The following GSE1 variants were observed in gnomAD, a reference collection of about 807,000 sequenced individuals.
The protein encoded by GSE1 is genetic suppressor element 1.
In GSE1, 32 loss-of-function variants were observed where a neutral mutation model predicts 112.6. The observed-to-expected ratio is 0.28, with a 90% CI of 0.21 to 0.38. The LOEUF is 0.38. Ranked by LOEUF, GSE1 falls within the 10% of genes least tolerant of loss-of-function variation. GSE1 has a pLI of 1.00. For synonymous variants in GSE1, 1,115 were observed against 735.6 expected (o/e 1.52, Z -8.35); for missense variants, 2,348 against 1,699.2 (o/e 1.38, Z -6.71).
At chr16:85,613,210 G>A, upstream of GSE1, 1 of 1,475,044 alleles carries the variant, frequency 6.8e-7, no homozygotes, top group Non-Finnish European at 9.0e-7. Flanking sequence ...GTTGCGTTTG[G>A]GTGTGTCCTC....
chr16:85,617,619 G>C (rs968393286), intron 1 of GSE1, among the ~76,000 whole-genome samples: 1 of 71,816 alleles, frequency 1.4e-5, no homozygotes, highest in African/African-American at 5.0e-5. Flanking sequence ...CCCGTTAACT[G>C]CCACGTGCAG....
chr16:85,309,232 G>A (rs1267666804), intron 1 of GSE1, among the ~76,000 whole-genome samples: 1 of 152,130 alleles, frequency 6.6e-6, no homozygotes, highest in East Asian at 1.9e-4. Flanking sequence ...AGGTGCCATG[G>A]CTCACACCTG....
At chr16:85,665,170 C>G (rs939101925) in intron 12 of GSE1, 42 bp downstream of exon 12, 1 of 1,214,938 alleles carries the variant, frequency 8.2e-7, no homozygotes, top group Non-Finnish European at 1.2e-6. Flanking sequence ...CCAGGACCAT[C>G]CCATGGGCTG....
chr16:85,496,296 G>A (rs1159151724), intron 2 of GSE1, among the ~76,000 whole-genome samples: 1 of 152,234 alleles, frequency 6.6e-6, no homozygotes, highest in Non-Finnish European at 1.5e-5. Context: ...TCGCGGGCCC[G>A]ACCGGGATGG....
At chr16:85,282,988 G>C (rs1290277210) in intron 1 of GSE1, 2 of 152,394 alleles carry the variant, frequency 1.3e-5, no homozygotes, top group Non-Finnish European at 2.9e-5. Context: ...GGAGTCACCT[G>C]CAGGCTGGCC....
At chr16:85,584,430 C>T (rs577770637) in intron 1 of GSE1, among the ~76,000 whole-genome samples, 3 of 152,298 alleles carry the variant, frequency 2.0e-5, no homozygotes, top group South Asian at 2.1e-4. Flanking sequence ...CTAATTATGC[C>T]GTGTTTGTTT....
At chr16:85,510,198 G>T (rs1314316326) in intron 2 of GSE1, among the ~76,000 whole-genome samples, 6 of 152,192 alleles carry the variant, frequency 3.9e-5, no homozygotes, top group Admixed American at 3.9e-4. Flanking sequence ...AAAGTGCTTT[G>T]TGAGCCGGCT....
intron 1 of GSE1, chr16:85,306,310 A>G (rs2045677096): frequency 6.5e-6 from 1 of 154,192 alleles, no homozygotes; most frequent in Admixed American, 6.5e-5. Flanking sequence ...ACACTCTGGC[A>G]TGTGGACCTG....
intron 2 of GSE1, among the ~76,000 whole-genome samples, chr16:85,523,709 G>A (rs1237791418): frequency 6.6e-6 from 1 of 152,210 alleles, no homozygotes; most frequent in African/African-American, 2.4e-5. Context: ...CACTGCAGGC[G>A]GCCTCCCCGA....
At chr16:85,537,937 C>T (rs773957474) in intron 2 of GSE1, among the ~76,000 whole-genome samples, 4 of 152,202 alleles carry the variant, frequency 2.6e-5, no homozygotes, top group Non-Finnish European at 4.4e-5. Context: ...GGCAGGGAGG[C>T]GAGCGTGGCT....
chr16:85,666,669 C>G, intron 13 of GSE1: 2 of 326,406 alleles, frequency 6.1e-6, no homozygotes, highest in South Asian at 7.1e-5. Flanking sequence ...AAAGATTCCC[C>G]AAAGGCAGGA....
At chr16:85,478,915 CTTTCTTTCTTTCTCTTTCTT>C (rs2050574347) in intron 2 of GSE1, among the ~76,000 whole-genome samples, 18 of 51,326 alleles carry the variant, frequency 3.5e-4, no homozygotes, top group African/African-American at 1.7e-3. Context: ...TTCTTTCTTT[CTTTCTTTCTTTCTCTTTCTT>C]TCTTTCTTTC....
chr16:85,202,568 C>T (rs1008003532), intron 1 of GSE1, among the ~76,000 whole-genome samples: 15 of 152,290 alleles, frequency 9.8e-5, no homozygotes, highest in East Asian at 1.9e-4. Flanking sequence ...TGGGCTCACC[C>T]GAGGCAGAAC....
chr16:85,500,859 C>T (rs1000522295), intron 2 of GSE1, among the ~76,000 whole-genome samples: 3 of 152,180 alleles, frequency 2.0e-5, no homozygotes, highest in African/African-American at 7.2e-5. Context: ...CTTCTTCGCC[C>T]CTTCCAGCTT....
At chr16:85,605,000 G>C in intron 1 of GSE1, among the ~76,000 whole-genome samples, 1 of 145,716 alleles carries the variant, frequency 6.9e-6, no homozygotes, top group African/African-American at 2.6e-5. Context: ...TGTATTTTTA[G>C]TAGAGATGGG....
intron 1 of GSE1, among the ~76,000 whole-genome samples, chr16:85,617,010 C>T (rs767676619): frequency 1.3e-5 from 2 of 152,218 alleles, no homozygotes; most frequent in Non-Finnish European, 2.9e-5. Flanking sequence ...CCAGCCTCTT[C>T]TCTCACGCCC....
rs1428106778 is a variant in GSE1, at chr16:85,613,861, G to T, written c.7+463G>T. On this transcript the variant is annotated intron_variant, in intron 1 of 15. Transcript: ENST00000253458. The stretch of plus-strand genomic sequence containing the variant: ...CGACGGCCGAGGAAGCGGGGGTGTG[G>T]GGGGGGGGGGTGCTCGCTACTGGGG... Among the ~76,000 whole-genome samples, 64 of 80,824 alleles carry T rather than the reference G, an allele frequency of 7.9e-4. No individual in the cohort carries two copies. The East Asian group carries it at 8.7e-3, about 11-fold the overall frequency. The allele number at this position is 80,824 out of a possible 152,430, so 53.0% of individuals were successfully genotyped here. A position where few individuals can be genotyped will look rare whatever the true frequency, so the allele number is the denominator to read the frequency against.
intron 1 of GSE1, among the ~76,000 whole-genome samples, chr16:85,573,435 A>C (rs1297457211): frequency 6.6e-6 from 1 of 152,016 alleles, no homozygotes; most frequent in African/African-American, 2.4e-5. Flanking sequence ...ACTGGCGTGC[A>C]TGTTTTTGTG....
chr16:85,268,689 C>A (rs891821759), intron 1 of GSE1, among the ~76,000 whole-genome samples: 2 of 152,334 alleles, frequency 1.3e-5, no homozygotes, highest in South Asian at 4.1e-4. Context: ...AGGGCCTGGA[C>A]AATTCACCTG....
Sources: gnomAD v4.1 joint callset for allele counts (sites outside exome capture counted in the v4.1 genomes callset) on GRCh38, gnomAD v4.1.1 for gene constraint, MANE v1.5 for transcripts, NCBI Gene and HGNC (gene_info 2026-07-23, HGNC 2026-07-21) for gene names.